CLPTM1: variants seen among roughly 807,000 people sequenced by gnomAD.
CLPTM1 encodes the protein putative lipid scramblase CLPTM1.
In CLPTM1, 21 loss-of-function variants were observed where a neutral mutation model predicts 77.3. The observed-to-expected ratio is 0.27, with a 90% CI of 0.19 to 0.39. The LOEUF (loss-of-function observed/expected upper bound fraction) is 0.39. Among genes scored for constraint, CLPTM1 ranks in the 10% least tolerant of loss-of-function variants. CLPTM1 has a pLI of 1.00. For synonymous variants in CLPTM1, 373 were observed against 381.0 expected, an observed-to-expected ratio of 0.98 and a Z score of 0.24; for missense variants, 642 against 921.2, an observed-to-expected ratio of 0.70 and a Z score of 3.92.
intron 6 of CLPTM1, 74 bp downstream of exon 6, chr19:44,985,377 C>A: frequency 1.0e-6 from 1 of 995,224 alleles, no homozygotes; most frequent in Non-Finnish European, 1.6e-6. Context: ...ACCACTGGGG[C>A]TGTCATCTGT....
At chr19:44,986,345 A>C (rs1970977500) in intron 6 of CLPTM1, 110 bp from the exon 7 acceptor site, 6 of 1,406,730 alleles carry the variant, frequency 4.3e-6, no homozygotes, top group Non-Finnish European at 5.8e-6. Context: ...AAAAAAAAGA[A>C]AGCAAAGATT....
At chr19:44,977,554 G>A in intron 5 of CLPTM1, 94 bp downstream of exon 5, 2 of 977,748 alleles carry the variant, frequency 2.0e-6, no homozygotes, top group South Asian at 1.3e-5. Context: ...CCAAGTCCAG[G>A]AGGGCAGGCA....
chr19:44,955,409 A>G lies in CLPTM1; in HGVS notation c.14A>G (p.Gln5Arg). 4 of 1,331,312 alleles carry G rather than the reference A, an allele frequency of 3.0e-6. No individual in the cohort carries two copies. Among genetic ancestry groups the G allele is most frequent in the Non-Finnish European group, 2.9e-6 (3 of 1,039,828 alleles). The allele number at this position is 1,331,312 out of a possible 1,614,324, so 82.5% of individuals were successfully genotyped here. ...CGGAGCGGGAAGATGGCGGCGGCGC[A>G]GGAGGCGGACGGGGCCCGCAGCGCC... MAAAQEADGARSAVV... is the reference protein window; with the variant it reads MAAAREADGARSAVV... Residue 5 changes from glutamine to arginine, a missense_variant, in exon 1 of 14, where the codon CAG becomes CGG. By Grantham distance (43) the Gln-to-Arg change is conservative. Coordinates refer to ENST00000337392, the MANE Select transcript of CLPTM1 (RefSeq NM_001294.4).
At chr19:44,981,039 C>A (rs1445209789) in intron 5 of CLPTM1, among the ~76,000 whole-genome samples, 1 of 152,068 alleles carries the variant, frequency 6.6e-6, no homozygotes, top group African/African-American at 2.4e-5. Context: ...GACCAGGTTT[C>A]ACCGTGTTAG....
intron 2 of CLPTM1, among the ~76,000 whole-genome samples, chr19:44,964,059 C>T (rs1385616003): frequency 6.6e-6 from 1 of 151,908 alleles, no homozygotes; most frequent in Non-Finnish European, 1.5e-5. Context: ...AGCCACTGGG[C>T]CCTGCCTGAC....
intron 1 of CLPTM1, among the ~76,000 whole-genome samples, chr19:44,961,313 G>A (rs537831587): frequency 6.6e-6 from 1 of 152,282 alleles, no homozygotes; most frequent in Admixed American, 6.5e-5. Context: ...CCCTTGGAGG[G>A]CAGGGTTGGC....
intron 1 of CLPTM1, among the ~76,000 whole-genome samples, chr19:44,958,544 G>T (rs1446307070): frequency 6.6e-6 from 1 of 152,106 alleles, no homozygotes; most frequent in Admixed American, 6.5e-5. Flanking sequence ...GCTAATTTTT[G>T]TATTTTTAGT....
chr19:44,992,105 C>A lies in CLPTM1; in HGVS notation c.1556-128C>A. 1 of 912,786 alleles carries A rather than the reference C, an allele frequency of 1.1e-6. No individual in the cohort carries two copies. The allele number at this position is 912,786 out of a possible 1,614,324, so 56.5% of individuals were successfully genotyped here. On this transcript the variant is annotated intron_variant, in intron 12 of 13. Coordinates refer to ENST00000337392, the MANE Select transcript of CLPTM1 (RefSeq NM_001294.4). The surrounding 1 kb of genome is among the most constrained non-coding windows in gnomAD (Gnocchi z 7.7). ...GCAGAGGCCGCTGGTAGAGTGTGCC[C>A]AGGTATAGGAAGTGGTAGAGTGTGC...
intron 2 of CLPTM1, among the ~76,000 whole-genome samples, chr19:44,966,794 GA>G (rs958234768): frequency 6.6e-4 from 94 of 142,568 alleles, no homozygotes; most frequent in Middle Eastern, 3.6e-3. Context: ...GTTCAACGTG[GA>G]AAAAAAAAAA....
chr19:44,990,414 C>A lies in CLPTM1; in HGVS notation c.1152C>A (p.Ser384Arg). The change falls in exon 10 of 14, where the codon AGC (serine) becomes AGA (arginine). Residue 384 changes from serine to arginine, a missense_variant. Coordinates refer to ENST00000337392, the MANE Select transcript of CLPTM1 (RefSeq NM_001294.4). The surrounding 1 kb of genome is among the most constrained non-coding windows in gnomAD (Gnocchi z 4.8). Reference sequence around the variant, plus strand: ...GCACAGATATCCAGTTCTGGAACAGCCGGCAGTCCCTGGAGGGCCTGTCCG... The same window carrying A: ...GCACAGATATCCAGTTCTGGAACAGACGGCAGTCCCTGGAGGGCCTGTCCG... ...AFKNDIQFWNSRQSLEGLSVR... is the reference protein window; with the variant it reads ...AFKNDIQFWNRRQSLEGLSVR... 6.2e-7 allele frequency: 1 copy of A among 1,614,044 alleles called. No homozygotes were observed. Among genetic ancestry groups the A allele is most frequent in the Non-Finnish European group, 8.5e-7 (1 of 1,179,948 alleles).
At position 44,985,241 on chromosome 19, in the gene CLPTM1, C is replaced by T. The variant is rs1568388315; in HGVS notation, c.610C>T (p.Arg204Ter). The T allele has an allele frequency of 6.2e-7, 1 of 1,613,824 alleles. No homozygotes were observed. The highest frequency in any genetic ancestry group is 8.5e-7 in the Non-Finnish European group (1 of 1,179,778). ...AGTGATCAACAAATACAAGCGCAGACGATTTCAGAAAACCAAGAACCTGCT... is the reference window on the plus strand; with the variant it reads ...AGTGATCAACAAATACAAGCGCAGATGATTTCAGAAAACCAAGAACCTGCT... ...SRMINKYKRR[R>*]FQKTKNLLTG... Residue 204 changes from arginine to a stop codon, truncating the protein, a stop_gained, in exon 6 of 14, where the codon CGA becomes TGA. Coordinates refer to ENST00000337392, the MANE Select transcript of CLPTM1 (RefSeq NM_001294.4). LOFTEE classifies it high-confidence loss of function.
intron 5 of CLPTM1, among the ~76,000 whole-genome samples, chr19:44,982,745 A>G (rs1279617468): frequency 6.6e-6 from 1 of 152,204 alleles, no homozygotes; most frequent in African/African-American, 2.4e-5. Context: ...CACAGGAGGA[A>G]GATCCCCAAT....
In CLPTM1 at chr19:44,970,552, G is replaced by A. The variant is rs768038772; in HGVS notation, c.186-2535G>A. On this transcript the variant is annotated intron_variant, in intron 2 of 13. Coordinates refer to ENST00000337392, the MANE Select transcript of CLPTM1 (RefSeq NM_001294.4). ...GTAGCTGGGAATATAGGCATGGTGC[G>A]TGCTGCCATGCCTGGCTAATTTTTG... Among the ~76,000 whole-genome samples, 16 of 145,516 alleles carry A rather than the reference G, an allele frequency of 1.1e-4. 1 individual carries two copies. The highest frequency in any genetic ancestry group is 2.2e-4 in the South Asian group (1 of 4,592).
chr19:44,961,354 A>G (rs1362727488), intron 1 of CLPTM1, among the ~76,000 whole-genome samples: 1 of 152,166 alleles, frequency 6.6e-6, no homozygotes, highest in Non-Finnish European at 1.5e-5. Flanking sequence ...TGGTTTGCCC[A>G]GGGAAGGCTC....
chr19:44,991,124 T>A lies in CLPTM1; in HGVS notation c.1420-114T>A. The stretch of plus-strand genomic sequence containing the variant: ...CGAGTCCGGAGTCCCCAGGGCTACC[T>A]GGAAATTCCCCCTGCCCGGCCTGCC... On this transcript the variant is annotated intron_variant, in intron 11 of 13. Coordinates refer to ENST00000337392, the MANE Select transcript of CLPTM1 (RefSeq NM_001294.4). This position sits in a 1 kb window ranked among gnomAD's most constrained non-coding sequence, Gnocchi z 5.4. The A allele has an allele frequency of 1.3e-6, 2 of 1,551,900 alleles. No homozygotes were observed. Among genetic ancestry groups the A allele is most frequent in the South Asian group, 2.4e-5 (2 of 84,568 alleles).
chr19:44,983,109 C>A (rs1568387685), intron 5 of CLPTM1, among the ~76,000 whole-genome samples: 2 of 151,808 alleles, frequency 1.3e-5, no homozygotes, highest in African/African-American at 4.8e-5. Flanking sequence ...AAGCAGTAGG[C>A]CCTGGGCCAA....
chr19:44,991,055 C>A lies in CLPTM1; in HGVS notation c.1419+110C>A. The A allele has an allele frequency of 1.5e-6, 2 of 1,293,834 alleles. No individual in the cohort carries two copies. The highest frequency in any genetic ancestry group is 2.2e-6 in the Non-Finnish European group (2 of 914,230). The allele number at this position is 1,293,834 out of a possible 1,614,324, so 80.1% of individuals were successfully genotyped here. ...CCGGACCCATGCTTTACAGCCTGTG[C>A]CACATCCTCTGTGTCCCCCATCTGC... On this transcript the variant is annotated intron_variant, in intron 11 of 13. Coordinates refer to ENST00000337392, the MANE Select transcript of CLPTM1 (RefSeq NM_001294.4). The surrounding 1 kb of genome is among the most constrained non-coding windows in gnomAD (Gnocchi z 5.4).
rs1971012509 is a variant in CLPTM1 at position 44,988,157 on chromosome 19, C to T, written c.1116C>T (p.Phe372=). ...IVSIVHSVFE[F]LAFKNDIQFW... is the part of the protein sequence containing the mutation. ...CTATCGTTCACAGTGTCTTCGAGTT[C>T]CTGGCCTTCAAGAATGGTAGGAACA... Residue 372 remains phenylalanine (F), a synonymous_variant, in exon 9 of 14, where the codon TTC becomes TTT. Coordinates refer to ENST00000337392, the MANE Select transcript of CLPTM1 (RefSeq NM_001294.4). 2 of 1,613,644 alleles carry T rather than the reference C, an allele frequency of 1.2e-6. No homozygotes were observed. The highest frequency in any genetic ancestry group is 1.7e-6 in the Non-Finnish European group (2 of 1,179,660).
At position 44,992,880 on chromosome 19, in the gene CLPTM1, G is replaced by A; in HGVS notation, c.1993G>A (p.Asp665Asn). The A allele has an allele frequency of 6.2e-7, 1 of 1,613,712 alleles. No homozygotes were observed. Among genetic ancestry groups the A allele is most frequent in the Middle Eastern group, 1.6e-4 (1 of 6,062 alleles). Residue 665 changes from aspartate to asparagine, a missense_variant, in exon 14 of 14, where the codon GAC (aspartate) becomes AAC (asparagine). This residue lies in a region of CLPTM1 where 521 missense variants were observed against 800.4 expected (regional missense o/e 0.65). Coordinates refer to ENST00000337392, the MANE Select transcript of CLPTM1 (RefSeq NM_001294.4). The surrounding 1 kb of genome is among the most constrained non-coding windows in gnomAD (Gnocchi z 7.7). ...PQEAPPKPAEDKKKD is the reference protein window; with the variant it reads ...PQEAPPKPAENKKKD ...GGAAGCCCCTCCAAAGCCAGCAGAG[G>A]ACAAGAAAAAGGATTAGTCGAGACT...
Sources: gnomAD v4.1 joint callset for allele counts (sites outside exome capture counted in the v4.1 genomes callset) on GRCh38, gnomAD v4.1.1 for gene constraint, gnomAD v4.1.1 regional missense constraint, Gnocchi (gnomAD v3.1) non-coding constraint, MANE v1.5 for transcripts, NCBI Gene and HGNC (gene_info 2026-07-23, HGNC 2026-07-21) for gene names.